The following ANOS1 variants were observed in gnomAD, a reference collection of about 807,000 sequenced individuals.
The protein encoded by ANOS1 is anosmin 1, also known as anosmin-1.
A neutral mutation model predicts 59.0 loss-of-function variants in ANOS1; 6 were observed. The ratio of observed to expected loss-of-function variants is 0.10; its 90% CI spans 0.06 to 0.20. ANOS1 has a LOEUF of 0.20. ANOS1 is among the 10% of genes least tolerant of loss of function. The pLI, the probability that ANOS1 is intolerant of heterozygous loss-of-function variation, is 1.00. For missense variants in ANOS1, 433 were observed against 542.3 expected (o/e 0.80, Z 2.00); for synonymous variants, 217 against 223.4 (o/e 0.97, Z 0.25).
chrX:8,710,068 C>T (rs1184605123), intron 1 of ANOS1, among the ~76,000 whole-genome samples: 2 of 111,136 alleles, frequency 1.8e-5, no homozygotes, highest in Admixed American at 9.6e-5. Context: ...GTAGCTGGGA[C>T]TGCAGGTGCC....
intron 6 of ANOS1, 65 bp from the exon 7 acceptor site, chrX:8,570,769 G>T: frequency 2.1e-5 from 21 of 1,001,100 alleles, no homozygotes; most frequent in Non-Finnish European, 3.0e-5. Flanking sequence ...GACATGTAAT[G>T]ACTACATGGT....
At chrX:8,662,419 G>A (rs1392205432) in intron 2 of ANOS1, among the ~76,000 whole-genome samples, 2 of 111,693 alleles carry the variant, frequency 1.8e-5, no homozygotes, top group Admixed American at 1.9e-4. Flanking sequence ...GGGCCATGCA[G>A]TTTCCACTGA....
chrX:8,629,451 A>T (rs893935670), intron 2 of ANOS1, among the ~76,000 whole-genome samples: 3 of 111,388 alleles, frequency 2.7e-5, no homozygotes, highest in African/African-American at 9.8e-5. Flanking sequence ...GATTCATGAG[A>T]CAATGTATAT....
chrX:8,536,825 A>G lies in ANOS1; in HGVS notation c.1567T>C (p.Cys523Arg), dbSNP rs751384764. The G allele has an allele frequency of 2.5e-6, 3 of 1,209,466 alleles. No homozygotes were observed. Among genetic ancestry groups the G allele is most frequent in the Non-Finnish European group, 3.4e-6 (3 of 893,841 alleles). ...AEAVFFTTPP[C>R]SALKGKSHKP... ...TGGCTCTTCCCCTTAAGAGCAGAGC[A>G]TGGTGGAGTAGTGAAGAAAACAGCT... is the stretch of plus-strand genomic sequence containing the variant. The change falls in exon 11 of 14, where the codon TGC (cysteine) becomes CGC (arginine). Residue 523 changes from cysteine to arginine, a missense_variant. Coordinates refer to ENST00000262648, the MANE Select transcript of ANOS1 (RefSeq NM_000216.4).
rs747430440 is a variant in ANOS1 at position 8,592,417 on chromosome X, CA to C, written c.542-4440del. Among the ~76,000 whole-genome samples, 4 of 111,845 alleles carry C rather than the reference CA, an allele frequency of 3.6e-5. No individual in the cohort carries two copies. The East Asian group carries it at 1.1e-3, about 31-fold the overall frequency. ...ATGATCGGGTCTTTTTGAAAAGAAA[CA>C]GACTGAAGTACAATTAATTCTTGGT... is the stretch of plus-strand genomic sequence containing the variant. On this transcript the variant is annotated intron_variant, in intron 4 of 13. Coordinates refer to ENST00000262648, the MANE Select transcript of ANOS1 (RefSeq NM_000216.4).
intron 4 of ANOS1, among the ~76,000 whole-genome samples, chrX:8,594,725 T>C (rs1417322918): frequency 2.9e-4 from 23 of 80,089 alleles, no homozygotes; most frequent in African/African-American, 1.1e-3. Context: ...TATATATATC[T>C]ACATATATAT....
chrX:8,560,366 C>T (rs1930013226), intron 8 of ANOS1, among the ~76,000 whole-genome samples: 1 of 111,783 alleles, frequency 8.9e-6, no homozygotes, highest in Non-Finnish European at 1.9e-5. Context: ...AAGCAGGGGT[C>T]AGTAAACTAA....
chrX:8,569,506 G>T (rs756229696), intron 7 of ANOS1, among the ~76,000 whole-genome samples: 3 of 111,461 alleles, frequency 2.7e-5, no homozygotes, highest in African/African-American at 6.5e-5. Flanking sequence ...GCTGGGTGTG[G>T]TGGCGGGCGC....
intron 6 of ANOS1, among the ~76,000 whole-genome samples, chrX:8,580,851 C>T (rs753258110): frequency 9.0e-6 from 1 of 111,536 alleles, no homozygotes; most frequent in Admixed American, 9.5e-5. Context: ...AAGTTATCAA[C>T]ACTGTCTCTC....
At chrX:8,631,075 G>A (rs779862638) in intron 2 of ANOS1, among the ~76,000 whole-genome samples, 7 of 112,042 alleles carry the variant, frequency 6.2e-5, no homozygotes, top group African/African-American at 1.9e-4. Flanking sequence ...TCACCAAGAC[G>A]AAGGAAGAAG....
chrX:8,599,920 G>C (rs1333974659), intron 3 of ANOS1, among the ~76,000 whole-genome samples: 2 of 112,156 alleles, frequency 1.8e-5, no homozygotes, highest in Admixed American at 1.9e-4. Flanking sequence ...AGGTTGGTGG[G>C]AGGAATGTCT....
Position 8,535,742 on chromosome X carries a change from T to C in ANOS1, c.1691A>G (p.Asn564Ser), listed in dbSNP as rs779247795. 2.5e-6 allele frequency: 3 copies of C among 1,210,551 alleles called. No homozygotes were observed. Among genetic ancestry groups the C allele is most frequent in the Non-Finnish European group, 3.4e-6 (3 of 895,175 alleles). The change falls in exon 12 of 14, where the codon AAC (asparagine) becomes AGC (serine). Residue 564 changes from asparagine to serine, a missense_variant. Asn to Ser is a conservative substitution (Grantham distance 46, BLOSUM62 1). Coordinates refer to ENST00000262648, the MANE Select transcript of ANOS1 (RefSeq NM_000216.4). ...CTTCCAAGAAAAGTGACCGGTGATGTTCACATCCTGGACGATGAATGAAGC... is the reference window on the plus strand; with the variant it reads ...CTTCCAAGAAAAGTGACCGGTGATGCTCACATCCTGGACGATGAATGAAGC... ...LSASFIVQDV[N>S]ITGHFSWKMA...
chrX:8,562,102 G>A (rs780249696), intron 8 of ANOS1, among the ~76,000 whole-genome samples: 6 of 109,326 alleles, frequency 5.5e-5, no homozygotes, highest in African/African-American at 1.3e-4. Context: ...CACCATGGCC[G>A]GCTAATTTTT....
intron 2 of ANOS1, among the ~76,000 whole-genome samples, chrX:8,624,484 T>C (rs1390607671): frequency 1.8e-5 from 2 of 108,368 alleles, no homozygotes; most frequent in Non-Finnish European, 3.8e-5. Context: ...ATATGTATTA[T>C]TGTTAACTTG....
At chrX:8,578,242 A>G (rs1930362638) in intron 6 of ANOS1, among the ~76,000 whole-genome samples, 1 of 110,700 alleles carries the variant, frequency 9.0e-6, no homozygotes, top group Admixed American at 9.7e-5. Context: ...ACTAAATAGA[A>G]GTTTGCTTCT....
intron 2 of ANOS1, among the ~76,000 whole-genome samples, chrX:8,695,415 A>G (rs948609079): frequency 2.7e-5 from 3 of 112,183 alleles, no homozygotes; most frequent in African/African-American, 9.7e-5. Context: ...AGGGCATACC[A>G]CATTCTTATG....
intron 6 of ANOS1, among the ~76,000 whole-genome samples, chrX:8,576,491 T>TACAC (rs769843705): frequency 0.029 from 2,683 of 93,424 alleles, 104 homozygotes; most frequent in African/African-American, 0.096. Context: ...CACACACACA[T>TACAC]ACACACACAC....
chrX:8,681,640 A>C (rs1408976601), intron 2 of ANOS1, among the ~76,000 whole-genome samples: 1 of 111,475 alleles, frequency 9.0e-6, no homozygotes, highest in Non-Finnish European at 1.9e-5. Context: ...CAAAGTCTCC[A>C]AGGACATCAA....
rs768748571 is a variant in ANOS1, at chrX:8,529,182, A to C, written c.*3813T>G. ...TATAATTAAGTAAAGGGGAAAAGTA[A>C]CTTTATATAGACCTCTGTTAATCAC... On this transcript the variant is annotated 3_prime_UTR_variant, in exon 14 of 14. Transcript: ENST00000262648. 7 of 111,765 alleles carry C rather than the reference A, an allele frequency of 6.3e-5. No homozygotes were observed. The highest frequency in any genetic ancestry group is 1.9e-4 in the African/African-American group (6 of 30,786). The allele number at this position is 111,765 out of a possible 1,213,427, so 9.2% of individuals were successfully genotyped here. A position where few individuals can be genotyped will look rare whatever the true frequency, so the allele number is the denominator to read the frequency against.
Sources: gnomAD v4.1 joint callset for allele counts (sites outside exome capture counted in the v4.1 genomes callset) on GRCh38, gnomAD v4.1.1 for gene constraint, MANE v1.5 for transcripts, NCBI Gene and HGNC (gene_info 2026-07-23, HGNC 2026-07-21) for gene names.